The following GRID1 variants were observed in gnomAD, a reference collection of about 807,000 sequenced individuals.
GRID1 encodes glutamate receptor ionotropic, delta-1.
Under a neutral mutation model 98.0 loss-of-function variants are expected in GRID1, and 28 were observed. The ratio of observed to expected loss-of-function variants is 0.29; its 90% CI spans 0.21 to 0.39. The LOEUF is 0.39. Ranked by LOEUF, GRID1 falls within the 10% of genes least tolerant of loss-of-function variation. The pLI, the probability that GRID1 is intolerant of heterozygous loss-of-function variation, is 1.00. For synonymous variants in GRID1, 553 were observed against 538.5 expected, an observed-to-expected ratio of 1.03 and a Z score of -0.37; for missense variants, 1,111 against 1,340.5, an observed-to-expected ratio of 0.83 and a Z score of 2.67.
At chr10:86,263,504 G>A (rs1847053131) in intron 2 of GRID1, among the ~76,000 whole-genome samples, 1 of 152,232 alleles carries the variant, frequency 6.6e-6, no homozygotes, top group Non-Finnish European at 1.5e-5. Context: ...TTCACCTGCA[G>A]AACAAGCCGC....
intron 8 of GRID1, among the ~76,000 whole-genome samples, chr10:85,750,142 T>C (rs1448301441): frequency 6.6e-6 from 1 of 152,212 alleles, no homozygotes; most frequent in Non-Finnish European, 1.5e-5. Context: ...ATTATAAAGA[T>C]ATGCATACCT....
Position 85,878,536 on chromosome 10 carries a change from G to C in GRID1, c.781-9356C>G, listed in dbSNP as rs1483424730. Among the ~76,000 whole-genome samples the C allele has an allele frequency of 2.6e-5, 4 of 152,246 alleles. No individual in the cohort carries two copies. In the East Asian group the frequency reaches 7.7e-4, roughly 29 times the overall value. On this transcript the variant is annotated intron_variant, in intron 5 of 15. Transcript: ENST00000327946. ...AGCCAAACTAAGATTCATAAGTGAA[G>C]GAGAAATAAAATACTTTACAGACAA...
intron 3 of GRID1, among the ~76,000 whole-genome samples, chr10:86,165,677 T>A (rs1459880611): frequency 1.3e-5 from 2 of 152,160 alleles, no homozygotes; most frequent in African/African-American, 4.8e-5. Context: ...GTTAGAATTC[T>A]TGGAGTTGAG....
chr10:85,670,328 C>A (rs1157612568), intron 12 of GRID1, among the ~76,000 whole-genome samples: 1 of 152,172 alleles, frequency 6.6e-6, no homozygotes, highest in African/African-American at 2.4e-5. Flanking sequence ...AATGCTGAGA[C>A]TTGCATTAGA....
intron 4 of GRID1, among the ~76,000 whole-genome samples, chr10:85,917,602 T>C (rs1841639209): frequency 6.6e-6 from 1 of 152,254 alleles, no homozygotes; most frequent in African/African-American, 2.4e-5. Flanking sequence ...GAGATCTGAC[T>C]CACTCCCAAC....
intron 12 of GRID1, among the ~76,000 whole-genome samples, chr10:85,666,869 A>G (rs192815902): frequency 1.3e-5 from 2 of 152,176 alleles, no homozygotes; most frequent in Admixed American, 1.3e-4. Context: ...CAGGTCTCGC[A>G]CTAACACCTG....
At chr10:86,201,523 T>C (rs1845950653) in intron 3 of GRID1, among the ~76,000 whole-genome samples, 1 of 151,922 alleles carries the variant, frequency 6.6e-6, no homozygotes, top group Admixed American at 6.6e-5. Flanking sequence ...CACTGGGGCC[T>C]ATGGGAGGGT....
chr10:86,221,932 CA>C lies in GRID1; in HGVS notation c.236-15285del, dbSNP rs1302953806. On this transcript the variant is annotated intron_variant, in intron 2 of 15. Transcript: ENST00000327946. ...CCTCCTCCTCCTCACCCGGAAGGAA[CA>C]GGGGTAGGGAGGGCAGGGGGTGGGA... 1.4e-3 allele frequency among the ~76,000 whole-genome samples: 208 copies of C among 151,244 alleles called. 1 individual carries two copies. The highest frequency in any genetic ancestry group is 1.3e-4 in the Non-Finnish European group (9 of 67,760).
chr10:86,316,429 C>A (rs968421312), intron 2 of GRID1, among the ~76,000 whole-genome samples: 5 of 152,254 alleles, frequency 3.3e-5, no homozygotes, highest in African/African-American at 9.6e-5. Flanking sequence ...AGAGATACAA[C>A]AATCCCCCCC....
intron 4 of GRID1, among the ~76,000 whole-genome samples, chr10:86,114,528 A>G (rs1436799677): frequency 6.6e-6 from 1 of 152,124 alleles, no homozygotes; most frequent in Non-Finnish European, 1.5e-5. Context: ...AGATGCTGGG[A>G]GTTGCGCTCA....
chr10:85,790,870 C>T (rs1228442695), intron 8 of GRID1, among the ~76,000 whole-genome samples: 1 of 152,206 alleles, frequency 6.6e-6, no homozygotes, highest in East Asian at 1.9e-4. Flanking sequence ...CTCCCCAGCT[C>T]CTCTGCTCTT....
chr10:85,953,994 A>T (rs1363717556), intron 4 of GRID1, among the ~76,000 whole-genome samples: 2 of 152,204 alleles, frequency 1.3e-5, no homozygotes, highest in Non-Finnish European at 2.9e-5. Context: ...AAGAGGGCAA[A>T]ATAATCTCCA....
intron 2 of GRID1, among the ~76,000 whole-genome samples, chr10:86,242,531 G>C (rs1177825750): frequency 1.3e-5 from 2 of 152,188 alleles, no homozygotes; most frequent in Non-Finnish European, 2.9e-5. Flanking sequence ...GGCTCAGCCT[G>C]GGCTGAGGCA....
intron 13 of GRID1, among the ~76,000 whole-genome samples, chr10:85,629,266 G>T (rs1337151868): frequency 1.3e-5 from 2 of 152,146 alleles, no homozygotes; most frequent in African/African-American, 2.4e-5. Flanking sequence ...GGGTACAAGT[G>T]CAGTTTTGTT....
chr10:86,009,051 A>G (rs759172507), intron 4 of GRID1, among the ~76,000 whole-genome samples: 3 of 152,184 alleles, frequency 2.0e-5, no homozygotes, highest in Non-Finnish European at 4.4e-5. Context: ...TCAAAATGCT[A>G]ATGAGCTCTG....
At chr10:85,746,140 T>C (rs1321861805) in intron 8 of GRID1, among the ~76,000 whole-genome samples, 3 of 152,202 alleles carry the variant, frequency 2.0e-5, no homozygotes, top group Non-Finnish European at 2.9e-5. Flanking sequence ...GATTTAGGTA[T>C]TCAGGTTGAA....
chr10:86,149,664 T>A (rs1267255534), intron 3 of GRID1, among the ~76,000 whole-genome samples: 2 of 152,262 alleles, frequency 1.3e-5, no homozygotes, highest in Non-Finnish European at 1.5e-5. Flanking sequence ...CCACGCTGCA[T>A]TAAGTGCTTT....
intron 4 of GRID1, among the ~76,000 whole-genome samples, chr10:85,980,458 T>C (rs983578258): frequency 1.3e-5 from 2 of 152,252 alleles, no homozygotes; most frequent in African/African-American, 4.8e-5. Flanking sequence ...TTGTCCAAGG[T>C]TGCACAGCTA....
intron 12 of GRID1, among the ~76,000 whole-genome samples, chr10:85,692,592 G>A (rs1467775459): frequency 2.6e-5 from 4 of 151,554 alleles, no homozygotes; most frequent in South Asian, 2.1e-4. Context: ...ACTTGAGCCC[G>A]GGAGGCAGAG....
Sources: gnomAD v4.1 joint callset for allele counts (sites outside exome capture counted in the v4.1 genomes callset) on GRCh38, gnomAD v4.1.1 for gene constraint, MANE v1.5 for transcripts, NCBI Gene and HGNC (gene_info 2026-07-23, HGNC 2026-07-21) for gene names.